Variants in GNA13 observed in about 807,000 individuals in gnomAD.
GNA13 encodes the protein G protein subunit alpha 13, also known as guanine nucleotide-binding protein subunit alpha-13.
Under a neutral mutation model 33.5 loss-of-function variants are expected in GNA13, and 4 were observed. The observed-to-expected ratio is 0.12, with a 90% confidence interval of 0.06 to 0.27. GNA13 has a LOEUF of 0.27. GNA13 is among the 10% of genes least tolerant of loss of function. The probability of loss-of-function intolerance (pLI) is 1.00; values close to 1 mark genes in which losing one functional copy is unlikely to be tolerated. For missense variants in GNA13, 319 were observed against 487.2 expected (o/e 0.65, Z 3.25); for synonymous variants, 176 against 183.8 (o/e 0.96, Z 0.34).
chr17:65,032,839 G>A (rs544461251), intron 2 of GNA13, among the ~76,000 whole-genome samples: 21 of 152,132 alleles, frequency 1.4e-4, no homozygotes, highest in African/African-American at 4.8e-4. Context: ...GGCTGGGTGC[G>A]GCGGCTCATG....
rs111274925 is a variant in GNA13, at chr17:65,046,808, A to C, written c.510+6694T>G. 2.7e-3 allele frequency among the ~76,000 whole-genome samples: 405 copies of C among 152,356 alleles called. 3 individuals carry two copies. The highest frequency in any genetic ancestry group is 8.8e-3 in the African/African-American group (364 of 41,580). On this transcript the variant is annotated intron_variant, in intron 2 of 3. Transcript: ENST00000439174. ...GTTCCATCTCTTAGTTGTTTAATAA[A>C]CATTTTCAGAGAATCATAAATTATT...
At chr17:65,053,394 A>G in intron 2 of GNA13, 108 bp downstream of exon 2, 1 of 711,378 alleles carries the variant, frequency 1.4e-6, no homozygotes, top group Non-Finnish European at 2.5e-6. Context: ...CATCTCAAAT[A>G]CTTTTAGATT....
chr17:65,045,072 A>G lies in GNA13; in HGVS notation c.510+8430T>C, dbSNP rs1054901286. 3.3e-5 allele frequency among the ~76,000 whole-genome samples: 5 copies of G among 152,086 alleles called. 1 individual carries two copies. Among genetic ancestry groups the G allele is most frequent in the Admixed American group, 1.3e-4 (2 of 15,256 alleles). On this transcript the variant is annotated intron_variant, in intron 2 of 3. Coordinates refer to ENST00000439174, the MANE Select transcript of GNA13 (RefSeq NM_006572.6). ...AAAAAAAAAAAAAGAAAAGAAAAGAAAAAGTGTTCTGGTGTCCCCTTCTCT... is the reference window on the plus strand; with the variant it reads ...AAAAAAAAAAAAAGAAAAGAAAAGAGAAAGTGTTCTGGTGTCCCCTTCTCT...
chr17:65,054,907 A>ATAT (rs1297941092), intron 1 of GNA13, among the ~76,000 whole-genome samples: 1 of 152,180 alleles, frequency 6.6e-6, no homozygotes, highest in African/African-American at 2.4e-5. Flanking sequence ...TTACAGCAGG[A>ATAT]TAAATACAAC....
intron 2 of GNA13, among the ~76,000 whole-genome samples, chr17:65,021,966 A>C (rs1463934425): frequency 2.0e-5 from 3 of 152,206 alleles, no homozygotes; most frequent in African/African-American, 7.2e-5. Context: ...GTGAATTACT[A>C]TTATGGCAGA....
Position 65,053,742 on chromosome 17 carries a change from G to C in GNA13, c.284-14C>G. The C allele has an allele frequency of 6.6e-7, 1 of 1,525,732 alleles. No homozygotes were observed. Among genetic ancestry groups the C allele is most frequent in the South Asian group, 1.2e-5 (1 of 85,928 alleles). 94.5% of individuals were successfully genotyped at this position (1,525,732 alleles called of 1,614,324 possible). The stretch of plus-strand genomic sequence containing the variant: ...GCACCCTCATACCTTTGTTTAAAAA[G>C]AAGAAAAAAAATGTATGGAGAGGAG... On this transcript the variant is annotated splice_polypyrimidine_tract_variant and intron_variant, in intron 1 of 3. Transcript: ENST00000439174.
intron 2 of GNA13, chr17:65,051,832 G>A (rs990867591): frequency 3.3e-5 from 5 of 152,162 alleles, no homozygotes; most frequent in East Asian, 3.8e-4. Context: ...AATAATGTGA[G>A]ACAGTCCCTG....
At chr17:65,031,921 A>AGAGTGTGTGTGTGTGTGT (rs770161529) in intron 2 of GNA13, among the ~76,000 whole-genome samples, 54 of 91,702 alleles carry the variant, frequency 5.9e-4, no homozygotes, top group African/African-American at 2.3e-3. Flanking sequence ...AGAGAGAGAG[A>AGAGTGTGTGTGTGTGTGT]GTGTGTGTGT....
chr17:65,029,067 G>A (rs570277649), intron 2 of GNA13, among the ~76,000 whole-genome samples: 1 of 152,168 alleles, frequency 6.6e-6, no homozygotes, highest in African/African-American at 2.4e-5. Flanking sequence ...GAACACTGAA[G>A]GATCAAGGAT....
intron 2 of GNA13, among the ~76,000 whole-genome samples, chr17:65,042,567 T>C (rs1301780697): frequency 6.6e-6 from 1 of 151,640 alleles, no homozygotes; most frequent in Non-Finnish European, 1.5e-5. Flanking sequence ...TGAAACCCCA[T>C]CTCTACCAAA....
At chr17:65,022,401 TAAA>T (rs569105482) in intron 2 of GNA13, among the ~76,000 whole-genome samples, 4 of 131,650 alleles carry the variant, frequency 3.0e-5, no homozygotes, top group Admixed American at 1.5e-4. Context: ...ACCATGACAT[TAAA>T]AAAAAAAAAA....
rs1484405699 is a variant in GNA13 at position 65,010,625 on chromosome 17, T to A, written c.*3632A>T. 1 of 205,060 alleles carries A rather than the reference T, an allele frequency of 4.9e-6. No homozygotes were observed. Among genetic ancestry groups the A allele is most frequent in the Non-Finnish European group, 1.0e-5 (1 of 100,180 alleles). 12.7% of individuals were successfully genotyped at this position (205,060 alleles called of 1,614,324 possible). A position where few individuals can be genotyped will look rare whatever the true frequency, so the allele number is the denominator to read the frequency against. ...GGAGAGAGACAAATTAACTAGGTAC[T>A]AAGTCAGATTTCCAAGTGAAAAAGA... On this transcript the variant is annotated 3_prime_UTR_variant, in exon 4 of 4. Transcript: ENST00000439174.
At chr17:65,056,251 A>ACCCCCCCCCCCCCCCCCCCCCCCGC in intron 1 of GNA13, 60 bp downstream of exon 1, 1 of 740,728 alleles carries the variant, frequency 1.4e-6, no homozygotes, top group Non-Finnish European at 2.1e-6. Context: ...CCCGCCCCGC[A>ACCCCCCCCCCCCCCCCCCCCCCCGC]CCCGCCGCCG....
chr17:65,047,530 T>C (rs756808720), intron 2 of GNA13, among the ~76,000 whole-genome samples: 1 of 152,216 alleles, frequency 6.6e-6, no homozygotes, highest in Non-Finnish European at 1.5e-5. Flanking sequence ...TCAAAGTCCT[T>C]GCTTGACTAT....
chr17:65,044,402 A>G (rs1907578862), intron 2 of GNA13, among the ~76,000 whole-genome samples: 1 of 152,248 alleles, frequency 6.6e-6, no homozygotes, highest in South Asian at 2.1e-4. Flanking sequence ...AATAGTATAT[A>G]GCTAGGGAAA....
At chr17:65,038,598 G>T (rs1161707434) in intron 2 of GNA13, among the ~76,000 whole-genome samples, 1 of 152,134 alleles carries the variant, frequency 6.6e-6, no homozygotes, top group African/African-American at 2.4e-5. Context: ...TTTTAGTAGA[G>T]ACGGGGTTGC....
At chr17:65,047,560 C>T (rs1907710424) in intron 2 of GNA13, among the ~76,000 whole-genome samples, 1 of 151,906 alleles carries the variant, frequency 6.6e-6, no homozygotes, top group Admixed American at 6.6e-5. Context: ...GAAAATGGAC[C>T]AATCATCCAA....
intron 3 of GNA13, among the ~76,000 whole-genome samples, chr17:65,016,723 T>C (rs1906384405): frequency 6.6e-6 from 1 of 152,220 alleles, no homozygotes; most frequent in Non-Finnish European, 1.5e-5. Context: ...CAGCCATTCA[T>C]TAAATAACTC....
In GNA13 at chr17:65,014,258, C is replaced by T. The variant is rs749737421; in HGVS notation, c.1133G>A (p.Ter378=). ...HDNLKQLMLQ[*] is the part of the protein sequence containing the mutation. Reference sequence around the variant, plus strand: ...TTAAAACAGCAAGTCTTTTGTACATCACTGTAGCATAAGCTGCTTGAGGTT... The same window carrying T: ...TTAAAACAGCAAGTCTTTTGTACATTACTGTAGCATAAGCTGCTTGAGGTT... The change falls in exon 4 of 4, where the codon TGA becomes TAA. Residue 378 remains the stop codon, a stop_retained_variant. Coordinates refer to ENST00000439174, the MANE Select transcript of GNA13 (RefSeq NM_006572.6). This position sits in a 1 kb window ranked among gnomAD's most constrained non-coding sequence, Gnocchi z 5.3. The T allele has an allele frequency of 1.7e-5, 27 of 1,550,520 alleles. No individual in the cohort carries two copies. In the Admixed American group the frequency reaches 4.0e-4, roughly 23 times the overall value.
Sources: gnomAD v4.1 joint callset for allele counts (sites outside exome capture counted in the v4.1 genomes callset) on GRCh38, gnomAD v4.1.1 for gene constraint, Gnocchi (gnomAD v3.1) non-coding constraint, MANE v1.5 for transcripts, NCBI Gene and HGNC (gene_info 2026-07-23, HGNC 2026-07-21) for gene names.